C2orf76: variants seen among roughly 807,000 people sequenced by gnomAD.
C2orf76 encodes the protein UPF0538 protein C2orf76.
Under a neutral mutation model 16.9 loss-of-function variants are expected in C2orf76, and 23 were observed. The ratio of observed to expected loss-of-function variants is 1.36; its 90% CI spans 0.98 to 1.93. The LOEUF is 1.93. C2orf76 is among the 30% of genes most tolerant of loss of function. C2orf76 has a pLI of 0.00. For synonymous variants in C2orf76, 48 were observed against 52.3 expected, an observed-to-expected ratio of 0.92 and a Z score of 0.35; for missense variants, 152 against 152.6, an observed-to-expected ratio of 1.00 and a Z score of 0.02.
chr2:119,296,260 T>A, the C2orf76 span, among the ~76,000 whole-genome samples: 5 of 152,110 alleles, frequency 3.3e-5, no homozygotes, highest in African/African-American at 1.2e-4. Context: ...GAGTTCAAAA[T>A]ATTAACCTCA....
the C2orf76 span, among the ~76,000 whole-genome samples, chr2:119,294,337 G>T: frequency 2.0e-5 from 3 of 152,180 alleles, no homozygotes; most frequent in Non-Finnish European, 4.4e-5. Flanking sequence ...GTGCTGGACG[G>T]AAGCCCTCAT....
At chr2:119,325,374 C>T (rs542200435) in intron 2 of C2orf76, among the ~76,000 whole-genome samples, 5 of 147,634 alleles carry the variant, frequency 3.4e-5, no homozygotes, top group African/African-American at 2.5e-5. Flanking sequence ...ACATGAGAAT[C>T]GCTTGAACCC....
chr2:119,346,131 C>T (rs143034897), intron 1 of C2orf76, among the ~76,000 whole-genome samples: 27 of 139,030 alleles, frequency 1.9e-4, no homozygotes, highest in African/African-American at 6.3e-4. Flanking sequence ...TAAAATAAAA[C>T]ACAGCAATAG....
intron 1 of C2orf76, among the ~76,000 whole-genome samples, chr2:119,359,317 G>A (rs2104649558): frequency 6.6e-6 from 1 of 152,318 alleles, no homozygotes; most frequent in South Asian, 2.1e-4. Flanking sequence ...ACATGGACAA[G>A]GAGATTCATG....
chr2:119,343,195 C>T (rs1344805694), intron 1 of C2orf76, among the ~76,000 whole-genome samples: 3 of 152,184 alleles, frequency 2.0e-5, no homozygotes, highest in African/African-American at 4.8e-5. Flanking sequence ...AGTTACTTCA[C>T]TATTTCTTAT....
the C2orf76 span, among the ~76,000 whole-genome samples, chr2:119,295,359 A>C: frequency 6.6e-5 from 10 of 152,302 alleles, no homozygotes; most frequent in Admixed American, 5.9e-4. Context: ...TCAAGGTCAC[A>C]GGATGGAGGG....
intron 5 of C2orf76, among the ~76,000 whole-genome samples, chr2:119,306,715 G>C (rs1286664774): frequency 6.6e-6 from 1 of 152,016 alleles, no homozygotes; most frequent in Non-Finnish European, 1.5e-5. Flanking sequence ...AACATTTCTA[G>C]GTAAAAGTCT....
rs374978142 is a variant in C2orf76 at position 119,345,673 on chromosome 2, T to C, written c.-12-5702A>G. Among the ~76,000 whole-genome samples the C allele has an allele frequency of 5.3e-5, 8 of 152,200 alleles. No homozygotes were observed. The East Asian group carries it at 5.8e-4, about 11-fold the overall frequency. On this transcript the variant is annotated intron_variant, in intron 1 of 5. Coordinates refer to ENST00000334816, the MANE Select transcript of C2orf76 (RefSeq NM_001322331.2). Reference sequence around the variant, plus strand: ...AATAAGAAGTCAAACATTTTACCCTTCCTTTCTTGTACAGACAGTATTTCA... The same window carrying C: ...AATAAGAAGTCAAACATTTTACCCTCCCTTTCTTGTACAGACAGTATTTCA...
At chr2:119,306,665 T>C (rs754593428) in intron 5 of C2orf76, among the ~76,000 whole-genome samples, 3 of 152,114 alleles carry the variant, frequency 2.0e-5, no homozygotes, top group Non-Finnish European at 4.4e-5. Context: ...TTAGGGGAAT[T>C]AGCCCATAAA....
intron 4 of C2orf76, among the ~76,000 whole-genome samples, chr2:119,312,400 C>T (rs551680691): frequency 3.9e-5 from 6 of 152,200 alleles, no homozygotes; most frequent in East Asian, 3.9e-4. Context: ...ATACATGTGC[C>T]GCCAAGCCTG....
intron 3 of C2orf76, among the ~76,000 whole-genome samples, chr2:119,320,667 A>G (rs6712455): frequency 0.69 from 104,466 of 152,020 alleles, 36,386 homozygotes; most frequent in African/African-American, 0.8. Context: ...TAGGTGCATC[A>G]TACCTTTCAA....
intron 1 of C2orf76, among the ~76,000 whole-genome samples, chr2:119,356,880 A>G (rs369014923): frequency 9.1e-4 from 139 of 152,310 alleles, no homozygotes; most frequent in African/African-American, 3.3e-3. Flanking sequence ...TTACATACAT[A>G]CATTTCACAG....
chr2:119,298,377 C>T (rs147023400), downstream of C2orf76, among the ~76,000 whole-genome samples: 4 of 152,050 alleles, frequency 2.6e-5, no homozygotes, highest in Non-Finnish European at 4.4e-5. Context: ...ACAAATACTA[C>T]CTTTATTAGC....
intron 4 of C2orf76, among the ~76,000 whole-genome samples, chr2:119,312,581 A>G (rs1679030079): frequency 1.3e-5 from 2 of 152,160 alleles, no homozygotes; most frequent in Admixed American, 6.5e-5. Flanking sequence ...AGAAGTCCAC[A>G]TATCTAAAAA....
chr2:119,358,068 T>C (rs1375476510), intron 1 of C2orf76, among the ~76,000 whole-genome samples: 1 of 152,198 alleles, frequency 6.6e-6, no homozygotes, highest in African/African-American at 2.4e-5. Flanking sequence ...ATTAGGCCAA[T>C]TAATAACACT....
chr2:119,355,132 G>A (rs1680528691), intron 1 of C2orf76, among the ~76,000 whole-genome samples: 1 of 152,122 alleles, frequency 6.6e-6, no homozygotes, highest in African/African-American at 2.4e-5. Context: ...TTTTCCCAAG[G>A]GTTGGAGACT....
At chr2:119,332,507 C>T (rs920416003) in intron 2 of C2orf76, among the ~76,000 whole-genome samples, 8 of 152,148 alleles carry the variant, frequency 5.3e-5, no homozygotes, top group Non-Finnish European at 1.2e-4. Context: ...AACCCACCAA[C>T]CAGATTTTAC....
intron 3 of C2orf76, among the ~76,000 whole-genome samples, chr2:119,319,834 G>A (rs567466858): frequency 3.4e-4 from 51 of 152,234 alleles, no homozygotes; most frequent in Non-Finnish European, 5.9e-4. Flanking sequence ...GCCCTGTCCC[G>A]CAGACCGTGA....
intron 2 of C2orf76, among the ~76,000 whole-genome samples, chr2:119,327,654 A>G (rs1221542704): frequency 6.6e-6 from 1 of 151,982 alleles, no homozygotes; most frequent in Non-Finnish European, 1.5e-5. Context: ...ATGGCATGCT[A>G]TGTGGCATGC....
Sources: allele counts gnomAD v4.1 joint callset (sites outside exome capture counted in the v4.1 genomes callset), GRCh38; gene constraint gnomAD v4.1.1; transcripts MANE v1.5; gene names NCBI Gene and HGNC (gene_info 2026-07-23, HGNC 2026-07-21).